Variants in PUM3 observed in about 807,000 individuals in gnomAD.
PUM3 encodes the protein pumilio RNA binding family member 3.
A neutral mutation model predicts 84.0 loss-of-function variants in PUM3; 91 were observed. That is an observed-to-expected ratio of 1.08 (90% CI 0.91 to 1.29). PUM3 has a LOEUF of 1.29. PUM3 is among the 50% of genes most tolerant of loss of function. PUM3 has a pLI of 0.00. For synonymous variants in PUM3, 321 were observed against 266.7 expected, an observed-to-expected ratio of 1.20 and a Z score of -1.98; for missense variants, 1,067 against 767.5, an observed-to-expected ratio of 1.39 and a Z score of -4.61.
At chr9:2,824,044 A>ATAGGGTTAGGGTTAGGGT (rs374783967) in intron 11 of PUM3, among the ~76,000 whole-genome samples, 4 of 151,426 alleles carry the variant, frequency 2.6e-5, no homozygotes, top group Admixed American at 1.3e-4. Context: ...TGTGTATGTG[A>ATAGGGTTAGGGTTAGGGT]TAGGGTTAGG....
rs137976301 is a variant in PUM3 at position 2,822,001 on chromosome 9, A to G, written c.1188+1780T>C. The stretch of plus-strand genomic sequence containing the variant: ...ATAATATGAATTAAGTGAAGGAGAC[A>G]AAATATAGAACAACGTGCCTAGTAC... On this transcript the variant is annotated intron_variant, in intron 12 of 17. Coordinates refer to ENST00000397885, the MANE Select transcript of PUM3 (RefSeq NM_014878.5). Among the ~76,000 whole-genome samples, 765 of 152,310 alleles carry G rather than the reference A, an allele frequency of 5.0e-3. 8 individuals carry two copies. Among genetic ancestry groups the G allele is most frequent in the African/African-American group, 0.017 (724 of 41,568 alleles).
At chr9:2,819,523 C>G (rs2129820645) in intron 13 of PUM3, among the ~76,000 whole-genome samples, 1 of 152,300 alleles carries the variant, frequency 6.6e-6, no homozygotes, top group South Asian at 2.1e-4. Flanking sequence ...GTACATTTCT[C>G]TTCTCCATCA....
chr9:2,825,475 C>G (rs1213253168), intron 10 of PUM3, among the ~76,000 whole-genome samples: 1 of 151,996 alleles, frequency 6.6e-6, no homozygotes, highest in African/African-American at 2.4e-5. Context: ...TATATAATTT[C>G]TTATTTACAT....
chr9:2,820,346 C>A (rs35825481), intron 12 of PUM3, among the ~76,000 whole-genome samples: 8,013 of 151,746 alleles, frequency 0.053, 684 homozygotes, highest in African/African-American at 0.18. Context: ...TTTTAAAGCA[C>A]ATTATTCATT....
chr9:2,810,470 T>C (rs1420507839), intron 15 of PUM3, 39 bp from the exon 16 acceptor site: 1 of 1,393,334 alleles, frequency 7.2e-7, no homozygotes, highest in Admixed American at 1.9e-5. Context: ...AAAAGTTGTT[T>C]TCATTCATAC....
At position 2,807,923 on chromosome 9, in the gene PUM3, C is replaced by T. The variant is rs775943854; in HGVS notation, c.1724-19G>A. ...AAACAACCTGTAAAATATACTGAAG[C>T]TTAGTGAACATCACATAATAAGATA... is the stretch of plus-strand genomic sequence containing the variant. On this transcript the variant is annotated intron_variant, in intron 16 of 17. Coordinates refer to ENST00000397885, the MANE Select transcript of PUM3 (RefSeq NM_014878.5). The T allele has an allele frequency of 1.3e-6, 2 of 1,484,132 alleles. No individual in the cohort carries two copies. Among genetic ancestry groups the T allele is most frequent in the Non-Finnish European group, 1.9e-6 (2 of 1,062,748 alleles). 91.9% of individuals were successfully genotyped at this position (1,484,132 alleles called of 1,614,324 possible). A position where few individuals can be genotyped will look rare whatever the true frequency, so the allele number is the denominator to read the frequency against.
intron 12 of PUM3, 83 bp from the exon 13 acceptor site, chr9:2,820,181 A>T (rs1821559572): frequency 4.6e-6 from 3 of 646,404 alleles, no homozygotes; most frequent in Non-Finnish European, 8.0e-6. Context: ...ATCTTCATAA[A>T]GGTAGAGCGA....
At chr9:2,832,695 C>T (rs537293911) in intron 5 of PUM3, among the ~76,000 whole-genome samples, 3 of 152,126 alleles carry the variant, frequency 2.0e-5, no homozygotes, top group East Asian at 3.9e-4. Context: ...TATAAGAAAG[C>T]GGCAGCTGAT....
At chr9:2,822,058 AC>A (rs1480867260) in intron 12 of PUM3, among the ~76,000 whole-genome samples, 31 of 152,198 alleles carry the variant, frequency 2.0e-4, no homozygotes, top group African/African-American at 4.8e-4. Context: ...CTTAACTCGG[AC>A]ACACATAAGC....
Position 2,834,078 on chromosome 9 carries a change from G to C in PUM3, c.393C>G (p.Asn131Lys), listed in dbSNP as rs1288864671. 6.2e-7 allele frequency: 1 copy of C among 1,613,682 alleles called. No homozygotes were observed. Among genetic ancestry groups the C allele is most frequent in the Non-Finnish European group, 8.5e-7 (1 of 1,179,814 alleles). ...GCTTTGCCCGAACAACAATGTCATAGTTGGTTTTATCACTGAGTTGTCTGC... is the reference window on the plus strand; with the variant it reads ...GCTTTGCCCGAACAACAATGTCATACTTGGTTTTATCACTGAGTTGTCTGC... ...KQSRQLSDKT[N>K]YDIVVRAKQM... Residue 131 changes from asparagine (N) to lysine (K), a missense_variant, in exon 4 of 18, where the codon AAC becomes AAG. By Grantham distance (94) the Asn-to-Lys change is moderately conservative (BLOSUM62 0). Coordinates refer to ENST00000397885, the MANE Select transcript of PUM3 (RefSeq NM_014878.5).
intron 1 of PUM3, among the ~76,000 whole-genome samples, chr9:2,840,340 G>A (rs73377876): frequency 2.6e-3 from 401 of 152,206 alleles, no homozygotes; most frequent in African/African-American, 9.3e-3. Flanking sequence ...CAGAAGGAGG[G>A]GTACTAAAGA....
At chr9:2,813,668 T>C (rs142959745) in intron 13 of PUM3, among the ~76,000 whole-genome samples, 17 of 152,330 alleles carry the variant, frequency 1.1e-4, no homozygotes, top group African/African-American at 4.1e-4. Context: ...TTAGTAATTT[T>C]AGTGTGAGGA....
At chr9:2,810,078 G>T (rs1294468570) in intron 16 of PUM3, among the ~76,000 whole-genome samples, 1 of 143,082 alleles carries the variant, frequency 7.0e-6, no homozygotes. Flanking sequence ...AGCACAGGAA[G>T]GAAAACAGAG....
chr9:2,841,521 T>C (rs551377374), intron 1 of PUM3, among the ~76,000 whole-genome samples: 10 of 152,248 alleles, frequency 6.6e-5, no homozygotes, highest in East Asian at 3.9e-4. Flanking sequence ...CGAGCTGAGA[T>C]TGTGCCACTA....
chr9:2,824,403 T>C (rs1371967486), intron 11 of PUM3, among the ~76,000 whole-genome samples: 1 of 152,174 alleles, frequency 6.6e-6, no homozygotes, highest in Non-Finnish European at 1.5e-5. Context: ...CACAGTATGA[T>C]CATTAAAAGA....
rs960076662 is a variant in PUM3, at chr9:2,804,568, G to C, written c.1815-105C>G. On this transcript the variant is annotated intron_variant, in intron 17 of 17. Coordinates refer to ENST00000397885, the MANE Select transcript of PUM3 (RefSeq NM_014878.5). ...CTTTGTTAACTGTGACACAAGCCTTGTAACTATATACACATTATTTTTCAT... is the reference window on the plus strand; with the variant it reads ...CTTTGTTAACTGTGACACAAGCCTTCTAACTATATACACATTATTTTTCAT... The C allele has an allele frequency of 2.0e-5, 20 of 1,013,868 alleles. No individual in the cohort carries two copies. The African/African-American group carries it at 3.1e-4, about 16-fold the overall frequency. 62.8% of individuals were successfully genotyped at this position (1,013,868 alleles called of 1,614,324 possible). A position where few individuals can be genotyped will look rare whatever the true frequency, so the allele number is the denominator to read the frequency against.
At chr9:2,842,405 T>C (rs953768334) in intron 1 of PUM3, among the ~76,000 whole-genome samples, 4 of 152,142 alleles carry the variant, frequency 2.6e-5, no homozygotes, top group African/African-American at 9.7e-5. Context: ...AACTCAGGCA[T>C]TCACAGCCAT....
At chr9:2,804,744 G>A (rs1821226196) in intron 17 of PUM3, among the ~76,000 whole-genome samples, 1 of 152,098 alleles carries the variant, frequency 6.6e-6, no homozygotes, top group Admixed American at 6.6e-5. Flanking sequence ...CATTATCTTA[G>A]GACTTACTTA....
At chr9:2,821,584 G>T (rs1195887052) in intron 12 of PUM3, among the ~76,000 whole-genome samples, 1 of 152,094 alleles carries the variant, frequency 6.6e-6, no homozygotes, top group Non-Finnish European at 1.5e-5. Flanking sequence ...TATCCTATGG[G>T]TGATGGTGAA....
Sources: allele counts gnomAD v4.1 joint callset (sites outside exome capture counted in the v4.1 genomes callset), GRCh38; gene constraint gnomAD v4.1.1; transcripts MANE v1.5; gene names NCBI Gene and HGNC (gene_info 2026-07-23, HGNC 2026-07-21).